WDFY3: variants seen among roughly 807,000 people sequenced by gnomAD.
WDFY3 encodes the protein WD repeat and FYVE domain containing 3, also known as WD repeat and FYVE domain-containing protein 3.
In WDFY3, 66 loss-of-function variants were observed where a neutral mutation model predicts 409.6. That is an observed-to-expected ratio of 0.16 (90% CI 0.13 to 0.20). The LOEUF (loss-of-function observed/expected upper bound fraction) is 0.20. Among genes scored for constraint, WDFY3 ranks in the 10% least tolerant of loss-of-function variants. The probability of loss-of-function intolerance (pLI) is 1.00; values close to 1 mark genes in which losing one functional copy is unlikely to be tolerated. For synonymous variants in WDFY3, 1,521 were observed against 1,537.1 expected, an observed-to-expected ratio of 0.99 and a Z score of 0.25; for missense variants, 3,031 against 4,298.1, an observed-to-expected ratio of 0.71 and a Z score of 8.24.
Position 84,829,076 on chromosome 4 carries a change from T to A in WDFY3, c.884A>T (p.Asp295Val). The change falls in exon 9 of 68, where the codon GAT becomes GTT. Residue 295 changes from aspartate to valine, a missense_variant. Coordinates refer to ENST00000295888, the MANE Select transcript of WDFY3 (RefSeq NM_014991.6). ...ATCATCCAGAAGTGTTTGGGAAACA[T>A]CGCTGGAATCTTTGAGGAAACAAGA... ...GLSCFLKDSS[D>V]VSQTLLDDFR... 6 of 1,613,896 alleles carry A rather than the reference T, an allele frequency of 3.7e-6. No individual in the cohort carries two copies. The highest frequency in any genetic ancestry group is 4.2e-6 in the Non-Finnish European group (5 of 1,179,858).
chr4:84,688,277 A>C lies in WDFY3; in HGVS notation c.9364-12T>G. 6.2e-7 allele frequency: 1 copy of C among 1,608,422 alleles called. No homozygotes were observed. The highest frequency in any genetic ancestry group is 2.2e-5 in the East Asian group (1 of 44,780). ...TGGCCCAGTAAGGCCTACGAATGAG[A>C]ACAAACAAACAAAATCAGGTTGATC... On this transcript the variant is annotated splice_polypyrimidine_tract_variant and intron_variant, in intron 61 of 67. Transcript: ENST00000295888.
intron 1 of WDFY3, among the ~76,000 whole-genome samples, chr4:84,934,037 C>T (rs1473436072): frequency 6.6e-6 from 1 of 151,810 alleles, no homozygotes; most frequent in Non-Finnish European, 1.5e-5. Context: ...GGGTATAAAC[C>T]TGGTAGTGGG....
Position 84,704,316 on chromosome 4 carries a change from A to T in WDFY3, c.8442+22T>A, listed in dbSNP as rs780106104. The stretch of plus-strand genomic sequence containing the variant: ...GAAGTAGGCTTGTATAAAATAGAAA[A>T]ACCCCAAATTTAAAGTTTTACCTGT... On this transcript the variant is annotated intron_variant, in intron 55 of 67. Coordinates refer to ENST00000295888, the MANE Select transcript of WDFY3 (RefSeq NM_014991.6). The T allele has an allele frequency of 1.9e-6, 3 of 1,542,748 alleles. No individual in the cohort carries two copies. The African/African-American group carries it at 4.2e-5, about 21-fold the overall frequency.
chr4:84,815,685 A>T (rs538465707), intron 13 of WDFY3, among the ~76,000 whole-genome samples: 1 of 152,206 alleles, frequency 6.6e-6, no homozygotes, highest in South Asian at 2.1e-4. Flanking sequence ...TACTTTTGGG[A>T]GGAAAAAGTA....
At chr4:84,819,699 AG>A (rs1753795742) in intron 12 of WDFY3, among the ~76,000 whole-genome samples, 2 of 152,112 alleles carry the variant, frequency 1.3e-5, no homozygotes, top group Non-Finnish European at 2.9e-5. Context: ...TATTTCCTGA[AG>A]GTTGTAACAT....
chr4:84,799,173 G>T (rs536941777), intron 17 of WDFY3, among the ~76,000 whole-genome samples: 115 of 151,888 alleles, frequency 7.6e-4, no homozygotes, highest in African/African-American at 2.6e-3. Flanking sequence ...TTTTGTGTGT[G>T]TGAGACAGCC....
At position 84,672,304 on chromosome 4, in the gene WDFY3, A is replaced by T. The variant is rs1165709187; in HGVS notation, c.*564T>A. ...ACAGATAATGTCTTTGGGGATTTAA[A>T]AAAACATATTTATAATTAATTGGTA... is the stretch of plus-strand genomic sequence containing the variant. On this transcript the variant is annotated 3_prime_UTR_variant, in exon 68 of 68. Coordinates refer to ENST00000295888, the MANE Select transcript of WDFY3 (RefSeq NM_014991.6). The T allele has an allele frequency of 1.3e-5, 2 of 152,266 alleles. No homozygotes were observed. The highest frequency in any genetic ancestry group is 2.9e-5 in the Non-Finnish European group (2 of 68,046). The allele number at this position is 152,266 out of a possible 1,614,324, so 9.4% of individuals were successfully genotyped here.
chr4:84,835,701 A>G (rs1756471133), intron 7 of WDFY3, among the ~76,000 whole-genome samples: 1 of 152,186 alleles, frequency 6.6e-6, no homozygotes, highest in Non-Finnish European at 1.5e-5. Context: ...TCCTTACAGT[A>G]AAGAGCCCAG....
chr4:84,821,211 C>T lies in WDFY3; in HGVS notation c.1464G>A (p.Lys488=). The part of the protein sequence containing the change: ...CSIIAMKTLL[K]FTRHDYIFKD... ...TAAATATGTAGTCATGTCTTGTAAA[C>T]TTAAGAAGTGTTTTCATTGCAATAA... Residue 488 remains lysine (K), a synonymous_variant, in exon 11 of 68, where the codon AAG becomes AAA. Coordinates refer to ENST00000295888, the MANE Select transcript of WDFY3 (RefSeq NM_014991.6). 1 of 1,613,718 alleles carries T rather than the reference C, an allele frequency of 6.2e-7. No individual in the cohort carries two copies. Among genetic ancestry groups the T allele is most frequent in the Non-Finnish European group, 8.5e-7 (1 of 1,179,800 alleles).
chr4:84,741,432 C>T (rs1364863857), intron 38 of WDFY3, among the ~76,000 whole-genome samples: 1 of 151,700 alleles, frequency 6.6e-6, no homozygotes, highest in Non-Finnish European at 1.5e-5. Flanking sequence ...CTCCTGCCTC[C>T]ACCTCCCAAG....
chr4:84,751,356 A>G (rs545215265), intron 36 of WDFY3, 127 bp downstream of exon 36: 3 of 980,610 alleles, frequency 3.1e-6, no homozygotes, highest in Admixed American at 2.2e-5. Flanking sequence ...TCCACAGCCT[A>G]TAACATGTTC....
At chr4:84,677,689 A>AT (rs1321920051) in intron 66 of WDFY3, among the ~76,000 whole-genome samples, 1 of 152,146 alleles carries the variant, frequency 6.6e-6, no homozygotes, top group African/African-American at 2.4e-5. Context: ...GTGTATGGGC[A>AT]TGGTGGCTCA....
chr4:84,877,976 A>G (rs187847638), intron 3 of WDFY3, among the ~76,000 whole-genome samples: 87 of 152,348 alleles, frequency 5.7e-4, no homozygotes, highest in African/African-American at 2.0e-3. Flanking sequence ...TTTTAAAACA[A>G]GAAAACTTAG....
chr4:84,829,867 C>G (rs1372620498), intron 8 of WDFY3, among the ~76,000 whole-genome samples: 1 of 128,370 alleles, frequency 7.8e-6, no homozygotes, highest in Admixed American at 8.0e-5. Flanking sequence ...GACTATAGAC[C>G]AATGAGATAC....
At chr4:84,744,122 CTA>C (rs1560644996) in intron 36 of WDFY3, among the ~76,000 whole-genome samples, 2 of 147,182 alleles carry the variant, frequency 1.4e-5, no homozygotes, top group African/African-American at 4.9e-5. Flanking sequence ...ATATATAAAA[CTA>C]TATATAATAT....
At chr4:84,881,137 A>C (rs1275708109) in intron 3 of WDFY3, among the ~76,000 whole-genome samples, 1 of 152,090 alleles carries the variant, frequency 6.6e-6, no homozygotes, top group Admixed American at 6.6e-5. Context: ...CAAGATTTGT[A>C]ATTTTTTACC....
chr4:84,801,669 G>C lies in WDFY3; in HGVS notation c.2803C>G (p.Leu935Val). The change falls in exon 17 of 68, where the codon CTG becomes GTG. Residue 935 changes from leucine (L) to valine (V), a missense_variant. Leu to Val is a conservative substitution (Grantham distance 32, BLOSUM62 1). This residue lies in a region of WDFY3 where 1,322 missense variants were observed against 1,697.9 expected (regional missense o/e 0.78). Transcript: ENST00000295888. ...ACTTACCTCAACACCATGGGTTCCAGAGCCTGAGAGGCTAATCGTTCAAAC... is the reference window on the plus strand; with the variant it reads ...ACTTACCTCAACACCATGGGTTCCACAGCCTGAGAGGCTAATCGTTCAAAC... ...RMFERLASQA[L>V]EPMVLREFLR... 1 of 1,610,900 alleles carries C rather than the reference G, an allele frequency of 6.2e-7. No homozygotes were observed. The highest frequency in any genetic ancestry group is 8.5e-7 in the Non-Finnish European group (1 of 1,178,892).
chr4:84,907,257 C>T (rs141168998), intron 2 of WDFY3, among the ~76,000 whole-genome samples: 12 of 152,242 alleles, frequency 7.9e-5, no homozygotes, highest in African/African-American at 2.6e-4. Flanking sequence ...TTATGGGTTA[C>T]ACTTAGCAAC....
chr4:84,673,901 G>A (rs984360252), intron 67 of WDFY3, among the ~76,000 whole-genome samples: 4 of 152,102 alleles, frequency 2.6e-5, no homozygotes, highest in Non-Finnish European at 4.4e-5. Flanking sequence ...ACAGACGTGA[G>A]CCACTGTGCC....
Sources: allele counts gnomAD v4.1 joint callset (sites outside exome capture counted in the v4.1 genomes callset), GRCh38; gene constraint gnomAD v4.1.1; regional missense constraint gnomAD v4.1.1; transcripts MANE v1.5; gene names NCBI Gene and HGNC (gene_info 2026-07-23, HGNC 2026-07-21).